ADAMTS12: variants seen among roughly 807,000 people sequenced by gnomAD.
ADAMTS12 encodes A disintegrin and metalloproteinase with thrombospondin motifs 12.
ADAMTS12 carries 118 observed loss-of-function variants against 167.8 expected under a neutral mutation model. The observed-to-expected ratio is 0.70, with a 90% CI of 0.61 to 0.82. The LOEUF (loss-of-function observed/expected upper bound fraction) is 0.82, where lower values mean the gene tolerates loss of function less well. Among genes scored for constraint, ADAMTS12 ranks in the 40% least tolerant of loss-of-function variants. The pLI, the probability that ADAMTS12 is intolerant of heterozygous loss-of-function variation, is 0.00. For missense variants in ADAMTS12, 1,916 were observed against 1,998.8 expected, an observed-to-expected ratio of 0.96 and a Z score of 0.79; for synonymous variants, 704 against 716.9, an observed-to-expected ratio of 0.98 and a Z score of 0.29.
At chr5:33,721,117 C>T (rs1009718800) in intron 3 of ADAMTS12, among the ~76,000 whole-genome samples, 8 of 152,050 alleles carry the variant, frequency 5.3e-5, no homozygotes, top group East Asian at 1.9e-4. Context: ...AAGCCAGACA[C>T]GAGAGAGAGT....
At chr5:33,732,705 T>C (rs1022101886) in intron 3 of ADAMTS12, among the ~76,000 whole-genome samples, 3 of 152,210 alleles carry the variant, frequency 2.0e-5, no homozygotes, top group African/African-American at 7.2e-5. Flanking sequence ...TAAATTAGTG[T>C]TACGTTTTGG....
chr5:33,666,714 A>C (rs969955043), intron 5 of ADAMTS12, among the ~76,000 whole-genome samples: 2 of 151,870 alleles, frequency 1.3e-5, no homozygotes, highest in Admixed American at 1.3e-4. Flanking sequence ...GATGGTCTTG[A>C]TCTCTTGACC....
At chr5:33,824,030 T>C (rs2112507060) in intron 2 of ADAMTS12, among the ~76,000 whole-genome samples, 1 of 152,286 alleles carries the variant, frequency 6.6e-6, no homozygotes, top group East Asian at 1.9e-4. Flanking sequence ...CCAATAAAGC[T>C]TGTTGAAAAA....
chr5:33,737,586 C>T (rs960889099), intron 3 of ADAMTS12, among the ~76,000 whole-genome samples: 1 of 152,112 alleles, frequency 6.6e-6, no homozygotes, highest in Non-Finnish European at 1.5e-5. Context: ...TATTTTACCA[C>T]AATTTTTTAA....
chr5:33,861,600 T>G (rs1749618060), intron 2 of ADAMTS12, among the ~76,000 whole-genome samples: 1 of 152,164 alleles, frequency 6.6e-6, no homozygotes, highest in African/African-American at 2.4e-5. Context: ...CACCCCACTG[T>G]CAATATGAGA....
intron 2 of ADAMTS12, among the ~76,000 whole-genome samples, chr5:33,866,459 A>G (rs1049201354): frequency 6.6e-6 from 1 of 152,180 alleles, no homozygotes; most frequent in Non-Finnish European, 1.5e-5. Flanking sequence ...AGATGGATCA[A>G]AGACTTAAAT....
At chr5:33,879,510 T>A (rs1032824516) in intron 2 of ADAMTS12, among the ~76,000 whole-genome samples, 1 of 152,136 alleles carries the variant, frequency 6.6e-6, no homozygotes, top group African/African-American at 2.4e-5. Context: ...CAAGCCTAGA[T>A]GATGACAGCC....
At chr5:33,755,625 C>T (rs945844469) in intron 2 of ADAMTS12, among the ~76,000 whole-genome samples, 1 of 152,094 alleles carries the variant, frequency 6.6e-6, no homozygotes, top group Non-Finnish European at 1.5e-5. Flanking sequence ...AGACTAGAGA[C>T]CTTGAAGAGT....
chr5:33,563,412 C>T (rs1745843317), intron 19 of ADAMTS12, among the ~76,000 whole-genome samples: 1 of 152,132 alleles, frequency 6.6e-6, no homozygotes, highest in Non-Finnish European at 1.5e-5. Flanking sequence ...TTGGTGCTTT[C>T]CATTCTTGCT....
At chr5:33,628,170 G>T (rs1223959861) in intron 13 of ADAMTS12, among the ~76,000 whole-genome samples, 2 of 152,120 alleles carry the variant, frequency 1.3e-5, no homozygotes, top group East Asian at 1.9e-4. Flanking sequence ...ACTGTGTGAA[G>T]ACGGAGGAGT....
At chr5:33,821,382 C>T (rs185574390) in intron 2 of ADAMTS12, among the ~76,000 whole-genome samples, 7 of 152,200 alleles carry the variant, frequency 4.6e-5, no homozygotes, top group Admixed American at 4.6e-4. Flanking sequence ...GGGCATTTCT[C>T]TATTTTTTGG....
At chr5:33,669,093 T>A (rs1293954583) in intron 5 of ADAMTS12, among the ~76,000 whole-genome samples, 1 of 152,096 alleles carries the variant, frequency 6.6e-6, no homozygotes, top group African/African-American at 2.4e-5. Flanking sequence ...AGAAAAACAA[T>A]GGTCTGAAAG....
intron 2 of ADAMTS12, among the ~76,000 whole-genome samples, chr5:33,768,137 G>C (rs191409244): frequency 6.6e-6 from 1 of 152,196 alleles, no homozygotes; most frequent in Non-Finnish European, 1.5e-5. Flanking sequence ...TGCTGTGCTG[G>C]GCAAGAGGCC....
intron 2 of ADAMTS12, among the ~76,000 whole-genome samples, chr5:33,798,866 T>C (rs1746882034): frequency 6.6e-6 from 1 of 152,188 alleles, no homozygotes; most frequent in South Asian, 2.1e-4. Flanking sequence ...CTTCAGCCTA[T>C]GAATTCTGGG....
At chr5:33,651,948 T>C (rs1397333441) in intron 7 of ADAMTS12, among the ~76,000 whole-genome samples, 1 of 152,156 alleles carries the variant, frequency 6.6e-6, no homozygotes, top group Non-Finnish European at 1.5e-5. Flanking sequence ...ACTCCATCTA[T>C]GTTGCTGCGC....
intron 1 of ADAMTS12, among the ~76,000 whole-genome samples, chr5:33,883,528 T>A (rs564929864): frequency 1.2e-4 from 18 of 152,172 alleles, no homozygotes; most frequent in African/African-American, 4.1e-4. Context: ...GCAGACCACA[T>A]GGCAACATGG....
chr5:33,616,522 A>G lies in ADAMTS12; in HGVS notation c.2144-450T>C, dbSNP rs185191535. On this transcript the variant is annotated intron_variant, in intron 14 of 23. Coordinates refer to ENST00000504830, the MANE Select transcript of ADAMTS12 (RefSeq NM_030955.4). Reference sequence around the variant, plus strand: ...CCCCCCTTGCCAGCAGGTTAAAGACAGACTCTTAGAAGTAATGTAATCCTA... The same window carrying G: ...CCCCCCTTGCCAGCAGGTTAAAGACGGACTCTTAGAAGTAATGTAATCCTA... Among the ~76,000 whole-genome samples, 49 of 152,348 alleles carry G rather than the reference A, an allele frequency of 3.2e-4. No homozygotes were observed. The South Asian group carries it at 7.0e-3, about 22-fold the overall frequency.
chr5:33,575,443 G>A (rs1746643170), intron 19 of ADAMTS12, among the ~76,000 whole-genome samples: 1 of 152,174 alleles, frequency 6.6e-6, no homozygotes, highest in South Asian at 2.1e-4. Flanking sequence ...AAAAGGCTCA[G>A]AAAGATAGAT....
At chr5:33,885,335 AT>A (rs1750597123) in intron 1 of ADAMTS12, among the ~76,000 whole-genome samples, 1 of 152,182 alleles carries the variant, frequency 6.6e-6, no homozygotes, top group African/African-American at 2.4e-5. Flanking sequence ...AAGAGTACAT[AT>A]TTTTATGATG....
Sources: allele counts gnomAD v4.1 joint callset (sites outside exome capture counted in the v4.1 genomes callset), GRCh38; gene constraint gnomAD v4.1.1; transcripts MANE v1.5; gene names NCBI Gene and HGNC (gene_info 2026-07-23, HGNC 2026-07-21).